Variants in BDP1 observed in about 807,000 individuals in gnomAD.
BDP1 encodes transcription factor TFIIIB component B'' homolog.
In BDP1, 169 loss-of-function variants were observed where a neutral mutation model predicts 266.6. The ratio of observed to expected loss-of-function variants is 0.63; its 90% CI spans 0.56 to 0.72. The LOEUF is 0.72. BDP1 is among the 30% of genes least tolerant of loss of function. BDP1 has a pLI of 0.00. For missense variants in BDP1, 3,015 were observed against 3,053.8 expected, an observed-to-expected ratio of 0.99 and a Z score of 0.30; for synonymous variants, 1,090 against 1,022.4, an observed-to-expected ratio of 1.07 and a Z score of -1.26.
chr5:71,568,728 G>GT (rs1744166635), downstream of BDP1, among the ~76,000 whole-genome samples: 1 of 152,144 alleles, frequency 6.6e-6, no homozygotes, highest in Admixed American at 6.5e-5. Context: ...TCTTATATAT[G>GT]TATGTCTTCC....
chr5:71,484,097 C>G (rs1763117956), intron 8 of BDP1, among the ~76,000 whole-genome samples: 1 of 152,140 alleles, frequency 6.6e-6, no homozygotes, highest in Non-Finnish European at 1.5e-5. Flanking sequence ...TCCAGAACAT[C>G]TAGGTGCAGG....
At position 71,455,895 on chromosome 5, in the gene BDP1, C is replaced by T. The variant is rs916364587; in HGVS notation, c.18C>T (p.Arg6=). 51 of 1,596,826 alleles carry T rather than the reference C, an allele frequency of 3.2e-5. No individual in the cohort carries two copies. Among genetic ancestry groups the T allele is most frequent in the Non-Finnish European group, 4.2e-5 (49 of 1,172,154 alleles). MFRRA[R]LSVKPNVRPG... ...CCTCCGCCATGTTCCGCAGGGCACG[C>T]CTTAGCGTGAAGCCGAATGTCAGGC... is the stretch of plus-strand genomic sequence containing the variant. Residue 6 remains arginine (R), a synonymous_variant, in exon 1 of 39, where the codon CGC becomes CGT. Transcript: ENST00000358731.
At chr5:71,491,225 T>A in intron 11 of BDP1, 94 bp downstream of exon 11, 1 of 1,204,136 alleles carries the variant, frequency 8.3e-7, no homozygotes, top group Non-Finnish European at 1.2e-6. Flanking sequence ...ATTTGCCTGT[T>A]TCTTTTTTTC....
chr5:71,481,193 A>G (rs1762940665), intron 7 of BDP1, among the ~76,000 whole-genome samples: 1 of 151,438 alleles, frequency 6.6e-6, no homozygotes, highest in Admixed American at 6.6e-5. Context: ...AAATGAAATC[A>G]CATACCAGAC....
rs576896110 is a variant in BDP1 at position 71,502,871 on chromosome 5, T to TTACA, written c.2241+98_2241+101dup. The TTACA allele has an allele frequency of 6.6e-5, 65 of 980,034 alleles. 1 individual carries two copies. The Middle Eastern group carries it at 7.3e-4, about 11-fold the overall frequency. 60.7% of individuals were successfully genotyped at this position (980,034 alleles called of 1,614,324 possible). On this transcript the variant is annotated intron_variant, in intron 15 of 38. Coordinates refer to ENST00000358731, the MANE Select transcript of BDP1 (RefSeq NM_018429.3). ...TATAAGCTTCCCTTCACCCACATAC[T>TTACA]TACATACATACATACATACATTTAT...
At chr5:71,541,834 G>A in intron 29 of BDP1, 152 bp downstream of exon 29, 1 of 580,488 alleles carries the variant, frequency 1.7e-6, no homozygotes, top group African/African-American at 1.9e-5. Context: ...TGGTTTGCAT[G>A]TTTAAATTAT....
At position 71,540,893 on chromosome 5, in the gene BDP1, G is replaced by A. The variant is rs1419275208; in HGVS notation, c.6023-561G>A. On this transcript the variant is annotated intron_variant, in intron 28 of 38. Coordinates refer to ENST00000358731, the MANE Select transcript of BDP1 (RefSeq NM_018429.3). ...GTCAAGGCTGCAGTGAGCTGAGATC[G>A]CACCACTGCACTCCAGCCTGGGTGA... Among the ~76,000 whole-genome samples the A allele has an allele frequency of 4.0e-5, 6 of 151,826 alleles. No homozygotes were observed. The South Asian group carries it at 8.4e-4, about 21-fold the overall frequency.
At position 71,495,891 on chromosome 5, in the gene BDP1, T is replaced by G. The variant is rs939847694; in HGVS notation, c.1799+483T>G. ...CCCTTTGAAGAGGTATCTGAAAGTTTTATACTTCCTTTTAGTCTTCCTTGT... is the reference window on the plus strand; with the variant it reads ...CCCTTTGAAGAGGTATCTGAAAGTTGTATACTTCCTTTTAGTCTTCCTTGT... On this transcript the variant is annotated intron_variant, in intron 12 of 38. Coordinates refer to ENST00000358731, the MANE Select transcript of BDP1 (RefSeq NM_018429.3). 4.4e-4 allele frequency among the ~76,000 whole-genome samples: 67 copies of G among 152,278 alleles called. 1 individual carries two copies. Among genetic ancestry groups the G allele is most frequent in the African/African-American group, 1.6e-3 (66 of 41,572 alleles).
chr5:71,482,464 G>GA (rs1763020560), intron 7 of BDP1, among the ~76,000 whole-genome samples: 1 of 152,168 alleles, frequency 6.6e-6, no homozygotes, highest in Non-Finnish European at 1.5e-5. Context: ...ATTCGTGGTG[G>GA]AGTTGGATAT....
At chr5:71,504,343 AAGAT>A (rs1764444546) in intron 15 of BDP1, among the ~76,000 whole-genome samples, 1 of 152,170 alleles carries the variant, frequency 6.6e-6, no homozygotes, top group Non-Finnish European at 1.5e-5. Flanking sequence ...AGAATTCAGA[AAGAT>A]AGACCCCACA....
chr5:71,530,112 A>G (rs904004081), intron 25 of BDP1, among the ~76,000 whole-genome samples: 2 of 152,244 alleles, frequency 1.3e-5, no homozygotes, highest in Admixed American at 6.5e-5. Flanking sequence ...TTAAAAAACC[A>G]ACTTTTACTT....
chr5:71,482,199 G>T (rs895943578), intron 7 of BDP1, among the ~76,000 whole-genome samples: 1 of 152,092 alleles, frequency 6.6e-6, no homozygotes, highest in African/African-American at 2.4e-5. Context: ...GGCCTGTGAG[G>T]TACCCCTCTA....
chr5:71,492,715 C>T (rs191709143), intron 11 of BDP1, among the ~76,000 whole-genome samples: 72 of 152,234 alleles, frequency 4.7e-4, no homozygotes, highest in African/African-American at 1.7e-3. Flanking sequence ...TTTCCTTTGG[C>T]GTACAGAAGT....
intron 38 of BDP1, 106 bp downstream of exon 38, chr5:71,562,626 T>C (rs2112115974): frequency 6.7e-7 from 1 of 1,500,470 alleles, no homozygotes; most frequent in Non-Finnish European, 9.0e-7. Context: ...TGTCAGAAAT[T>C]ATTTTAGAGC....
At position 71,506,758 on chromosome 5, in the gene BDP1, T is replaced by TTATATATATATATATATA. The variant is rs67179518; in HGVS notation, c.2372+2013_2372+2030dup. Among the ~76,000 whole-genome samples the TTATATATATATATATATA allele has an allele frequency of 8.1e-4, 110 of 135,836 alleles. 1 individual carries two copies. The highest frequency in any genetic ancestry group is 2.7e-3 in the African/African-American group (98 of 35,754). 89.1% of individuals were successfully genotyped at this position (135,836 alleles called of 152,430 possible). A position where few individuals can be genotyped will look rare whatever the true frequency, so the allele number is the denominator to read the frequency against. On this transcript the variant is annotated intron_variant, in intron 16 of 38. Transcript: ENST00000358731. ...GATTTGGTGATGTTTGTTTGGAGGT[T>TTATATATATATATATATA]TATATATATATATATATATATATTT... is the stretch of plus-strand genomic sequence containing the variant.
chr5:71,551,595 A>C (rs985876883), intron 34 of BDP1, among the ~76,000 whole-genome samples: 8 of 152,218 alleles, frequency 5.3e-5, no homozygotes, highest in African/African-American at 1.9e-4. Context: ...CCGCCACGTC[A>C]TCATGGCCCA....
rs752797411 is a variant in BDP1 at position 71,509,936 on chromosome 5, G to T, written c.2844G>T (p.Lys948Asn). 1 of 1,613,934 alleles carries T rather than the reference G, an allele frequency of 6.2e-7. No homozygotes were observed. The highest frequency in any genetic ancestry group is 1.7e-5 in the Admixed American group (1 of 59,968). ...AGAAAAATGGCCCAGAGGAGGTTAA[G>T]CCTCTAGGTGAAGTGGAGACAGATT... ...SPQKNGPEEV[K>N]PLGEVETDLK... Residue 948 changes from lysine (K) to asparagine (N), a missense_variant, in exon 17 of 39, where the codon AAG (lysine) becomes AAT (asparagine). Transcript: ENST00000358731.
In BDP1 at chr5:71,510,962, T is replaced by TAG; in HGVS notation, c.3879_3880dup (p.Gly1294GlufsTer16). Reference sequence around the variant, plus strand: ...TGAAAGAAACTGGAAAAGAAAATTTTAGAGAGAGAGGATCTGAAGAGATCT... The same window carrying TAG: ...TGAAAGAAACTGGAAAAGAAAATTTTAGAGAGAGAGAGGATCTGAAGAGATCT... On this transcript the variant is annotated frameshift_variant, in exon 17 of 39. Transcript: ENST00000358731. LOFTEE classifies it high-confidence loss of function. 1 of 1,614,012 alleles carries TAG rather than the reference T, an allele frequency of 6.2e-7. No homozygotes were observed. The highest frequency in any genetic ancestry group is 8.5e-7 in the Non-Finnish European group (1 of 1,179,984).
chr5:71,528,898 A>C (rs1003486250), intron 25 of BDP1, among the ~76,000 whole-genome samples: 2 of 152,322 alleles, frequency 1.3e-5, no homozygotes, highest in Non-Finnish European at 1.5e-5. Context: ...TTTTTCTTTA[A>C]GTGAAGGCAA....
Sources: allele counts gnomAD v4.1 joint callset (sites outside exome capture counted in the v4.1 genomes callset), GRCh38; gene constraint gnomAD v4.1.1; transcripts MANE v1.5; gene names NCBI Gene and HGNC (gene_info 2026-07-23, HGNC 2026-07-21).